The following KCNK3 variants were observed in gnomAD, a reference collection of about 807,000 sequenced individuals.
The protein encoded by KCNK3 is potassium channel subfamily K member 3.
A neutral mutation model predicts 27.3 loss-of-function variants in KCNK3; 9 were observed. The ratio of observed to expected loss-of-function variants is 0.33; its 90% CI spans 0.20 to 0.57. The LOEUF (loss-of-function observed/expected upper bound fraction) is 0.57. KCNK3 is among the 20% of genes least tolerant of loss of function. The pLI is 0.87. For synonymous variants in KCNK3, 278 were observed against 273.8 expected, an observed-to-expected ratio of 1.02 and a Z score of -0.15; for missense variants, 391 against 577.7, an observed-to-expected ratio of 0.68 and a Z score of 3.31.
intron 1 of KCNK3, among the ~76,000 whole-genome samples, chr2:26,699,610 A>C (rs1356205164): frequency 1.3e-5 from 2 of 152,260 alleles, no homozygotes; most frequent in African/African-American, 4.8e-5. Flanking sequence ...GCAGTCAGCC[A>C]GCAGCAAGTG....
At chr2:26,726,678 G>A (rs962871779) in intron 1 of KCNK3, among the ~76,000 whole-genome samples, 5 of 148,194 alleles carry the variant, frequency 3.4e-5, no homozygotes, top group African/African-American at 1.2e-4. Flanking sequence ...CCCATCCAGG[G>A]TCATTTTCCC....
Position 26,730,449 on chromosome 2 carries a change from GCTGGAGCCGGTATAATGA to G in KCNK3, c.*1886_*1903del, listed in dbSNP as rs981677757. On this transcript the variant is annotated 3_prime_UTR_variant, in exon 2 of 2. Transcript: ENST00000302909. ...TGAGGCTCACTTTTGGGGCCCCACA[GCTGGAGCCGGTATAATGA>G]CTGGGACAACATCAAGGGGTGGATG... is the stretch of plus-strand genomic sequence containing the variant. 6.6e-6 allele frequency: 1 copy of G among 152,314 alleles called. No individual in the cohort carries two copies. Among genetic ancestry groups the G allele is most frequent in the Admixed American group, 6.5e-5 (1 of 15,288 alleles). 9.4% of individuals were successfully genotyped at this position (152,314 alleles called of 1,614,324 possible). A position where few individuals can be genotyped will look rare whatever the true frequency, so the allele number is the denominator to read the frequency against.
intron 1 of KCNK3, among the ~76,000 whole-genome samples, chr2:26,715,668 C>T (rs1240759533): frequency 1.3e-5 from 2 of 152,218 alleles, no homozygotes; most frequent in Non-Finnish European, 2.9e-5. Flanking sequence ...TCCCTGACTC[C>T]ATGTGCCCCT....
In KCNK3 at chr2:26,722,906, C is replaced by T. The variant is rs547852584; in HGVS notation, c.284-4761C>T. 7.9e-5 allele frequency among the ~76,000 whole-genome samples: 12 copies of T among 152,346 alleles called. No individual in the cohort carries two copies. In the South Asian group the frequency reaches 2.5e-3, roughly 32 times the overall value. On this transcript the variant is annotated intron_variant, in intron 1 of 1. Coordinates refer to ENST00000302909, the MANE Select transcript of KCNK3 (RefSeq NM_002246.3). The stretch of plus-strand genomic sequence containing the variant: ...AAAGCTGGGAACCTCATCTCTTGCC[C>T]TATCTTCCATGTCACAGATGAGGAA...
At chr2:26,723,754 T>C (rs1250532482) in intron 1 of KCNK3, among the ~76,000 whole-genome samples, 1 of 152,196 alleles carries the variant, frequency 6.6e-6, no homozygotes, top group Non-Finnish European at 1.5e-5. Flanking sequence ...TCTGAGAACC[T>C]TAAAACCTAT....
rs1185578898 is a variant in KCNK3, at chr2:26,727,909, G to A, written c.526G>A (p.Ala176Thr). 3 of 1,614,124 alleles carry A rather than the reference G, an allele frequency of 1.9e-6. No homozygotes were observed. Among genetic ancestry groups the A allele is most frequent in the Non-Finnish European group, 2.5e-6 (3 of 1,180,010 alleles). ...SCISTLCIGA[A>T]AFSHYEHWTF... ...CATCAGCACGCTGTGCATCGGCGCC[G>A]CCGCCTTCTCCCACTACGAGCACTG... Residue 176 changes from alanine to threonine, a missense_variant, in exon 2 of 2, where the codon GCC becomes ACC. This residue lies in a region of KCNK3 where 158 missense variants were observed against 267.7 expected (regional missense o/e 0.59). Coordinates refer to ENST00000302909, the MANE Select transcript of KCNK3 (RefSeq NM_002246.3).
chr2:26,722,997 C>T (rs1348991994), intron 1 of KCNK3, among the ~76,000 whole-genome samples: 3 of 152,236 alleles, frequency 2.0e-5, no homozygotes, highest in African/African-American at 7.2e-5. Context: ...GGTCAGACCC[C>T]AGATCTCCTG....
chr2:26,712,070 T>C (rs888502183), intron 1 of KCNK3, among the ~76,000 whole-genome samples: 2 of 152,204 alleles, frequency 1.3e-5, no homozygotes, highest in African/African-American at 4.8e-5. Flanking sequence ...CTGGCCTGGC[T>C]GATCTCTTGC....
chr2:26,709,999 G>A (rs914526908), intron 1 of KCNK3, among the ~76,000 whole-genome samples: 2 of 152,198 alleles, frequency 1.3e-5, no homozygotes, highest in African/African-American at 4.8e-5. Flanking sequence ...CAGCCGTCTT[G>A]GCCTCTGCCT....
At position 26,729,634 on chromosome 2, in the gene KCNK3, G is replaced by C. The variant is rs1472046866; in HGVS notation, c.*1066G>C. 2 of 152,128 alleles carry C rather than the reference G, an allele frequency of 1.3e-5. No homozygotes were observed. Among genetic ancestry groups the C allele is most frequent in the Non-Finnish European group, 2.9e-5 (2 of 68,098 alleles). 9.4% of individuals were successfully genotyped at this position (152,128 alleles called of 1,614,324 possible). On this transcript the variant is annotated 3_prime_UTR_variant, in exon 2 of 2. Coordinates refer to ENST00000302909, the MANE Select transcript of KCNK3 (RefSeq NM_002246.3). ...GAGGATTGCTTGAGCCCAGGAATTT[G>C]AGACCAGCCTAGGTGACATAGTGAG...
Position 26,693,769 on chromosome 2 carries a change from G to A in KCNK3, c.283+611G>A, listed in dbSNP as rs1670200820. 6.6e-6 allele frequency among the ~76,000 whole-genome samples: 1 copy of A among 152,178 alleles called. No individual in the cohort carries two copies. The highest frequency in any genetic ancestry group is 1.5e-5 in the Non-Finnish European group (1 of 68,032). On this transcript the variant is annotated intron_variant, in intron 1 of 1. Coordinates refer to ENST00000302909, the MANE Select transcript of KCNK3 (RefSeq NM_002246.3). The surrounding 1 kb of genome is among the most constrained non-coding windows in gnomAD (Gnocchi z 5.5). ...AGAATTGGTGCGGGAAGCCAGATCT[G>A]GCCTTGTCAGCCTTCTTCTCTGCTG... is the stretch of plus-strand genomic sequence containing the variant.
chr2:26,697,029 C>A (rs1670242764), intron 1 of KCNK3, among the ~76,000 whole-genome samples: 1 of 152,128 alleles, frequency 6.6e-6, no homozygotes, highest in Non-Finnish European at 1.5e-5. Context: ...ATTCTCTCAC[C>A]AACCTCTCTA....
At chr2:26,695,736 G>A (rs745340527) in intron 1 of KCNK3, among the ~76,000 whole-genome samples, 4 of 152,192 alleles carry the variant, frequency 2.6e-5, no homozygotes, top group Non-Finnish European at 5.9e-5. Flanking sequence ...TTCCTCTGCC[G>A]TTTCCCAAAG....
chr2:26,730,624 C>G lies in KCNK3; in HGVS notation c.*2056C>G, dbSNP rs1439788490. The G allele has an allele frequency of 2.0e-5, 3 of 151,178 alleles. No individual in the cohort carries two copies. Among genetic ancestry groups the G allele is most frequent in the African/African-American group, 7.2e-5 (3 of 41,436 alleles). 9.4% of individuals were successfully genotyped at this position (151,178 alleles called of 1,614,324 possible). On this transcript the variant is annotated 3_prime_UTR_variant, in exon 2 of 2. Transcript: ENST00000302909. ...CACCCGTAGGGTGGCCAGCCTCAGG[C>G]CCCACCCCAGCTGTGTCCTCTAGTC...
rs1254494321 is a variant in KCNK3 at position 26,721,573 on chromosome 2, C to G, written c.284-6094C>G. 1.3e-5 allele frequency among the ~76,000 whole-genome samples: 2 copies of G among 152,220 alleles called. No individual in the cohort carries two copies. The highest frequency in any genetic ancestry group is 2.9e-5 in the Non-Finnish European group (2 of 68,040). On this transcript the variant is annotated intron_variant, in intron 1 of 1. Coordinates refer to ENST00000302909, the MANE Select transcript of KCNK3 (RefSeq NM_002246.3). This position sits in a 1 kb window ranked among gnomAD's most constrained non-coding sequence, Gnocchi z 4.3. ...TGTGCCTCAGGCGCCTGAGCTGGTT[C>G]CTCGTGGGCCCTCCCCTGGGTGCCC...
At chr2:26,694,640 G>A (rs1349132690) in intron 1 of KCNK3, among the ~76,000 whole-genome samples, 2 of 152,110 alleles carry the variant, frequency 1.3e-5, no homozygotes, top group East Asian at 3.9e-4. Context: ...GGTCCTGTGA[G>A]TTTAGGATAG....
At position 26,693,235 on chromosome 2, in the gene KCNK3, G is replaced by T. The variant is rs1670192655; in HGVS notation, c.283+77G>T. 1 of 1,147,410 alleles carries T rather than the reference G, an allele frequency of 8.7e-7. No individual in the cohort carries two copies. The highest frequency in any genetic ancestry group is 1.8e-5 in the South Asian group (1 of 54,924). 71.1% of individuals were successfully genotyped at this position (1,147,410 alleles called of 1,614,324 possible). ...CGGGAGTCGTCCGGGGCCGGCTGGGGCTGGGGGCGGGGGCTCCCCCGAGAG... is the reference window on the plus strand; with the variant it reads ...CGGGAGTCGTCCGGGGCCGGCTGGGTCTGGGGGCGGGGGCTCCCCCGAGAG... On this transcript the variant is annotated intron_variant, in intron 1 of 1. Coordinates refer to ENST00000302909, the MANE Select transcript of KCNK3 (RefSeq NM_002246.3). This position sits in a 1 kb window ranked among gnomAD's most constrained non-coding sequence, Gnocchi z 5.5.
intron 1 of KCNK3, among the ~76,000 whole-genome samples, chr2:26,727,019 G>A (rs2148037850): frequency 6.6e-6 from 1 of 152,266 alleles, no homozygotes; most frequent in Middle Eastern, 3.4e-3. Flanking sequence ...TTCTTCTGTG[G>A]CACAGTGGGC....
intron 1 of KCNK3, among the ~76,000 whole-genome samples, chr2:26,726,796 G>A (rs1429930985): frequency 1.3e-5 from 2 of 151,544 alleles, no homozygotes; most frequent in African/African-American, 4.9e-5. Context: ...GTGGGGGCGG[G>A]GTACAGAGAG....
Sources: gnomAD v4.1 joint callset for allele counts (sites outside exome capture counted in the v4.1 genomes callset) on GRCh38, gnomAD v4.1.1 for gene constraint, gnomAD v4.1.1 regional missense constraint, Gnocchi (gnomAD v3.1) non-coding constraint, MANE v1.5 for transcripts, NCBI Gene and HGNC (gene_info 2026-07-23, HGNC 2026-07-21) for gene names.